MOSMO: variants seen among roughly 807,000 people sequenced by gnomAD.
MOSMO encodes the protein modulator of smoothened.
Under a neutral mutation model 18.4 loss-of-function variants are expected in MOSMO, and 5 were observed. The observed-to-expected ratio is 0.27, with a 90% confidence interval of 0.14 to 0.57. The LOEUF (loss-of-function observed/expected upper bound fraction) is 0.57. MOSMO is among the 20% of genes least tolerant of loss of function. MOSMO has a pLI of 0.92. For synonymous variants in MOSMO, 82 were observed against 82.3 expected (o/e 1.00, Z 0.02); for missense variants, 138 against 211.8 (o/e 0.65, Z 2.16).
At chr16:22,054,463 C>G (rs940700616) in intron 1 of MOSMO, among the ~76,000 whole-genome samples, 3 of 152,070 alleles carry the variant, frequency 2.0e-5, no homozygotes, top group African/African-American at 7.2e-5. Flanking sequence ...AAGTTAGATT[C>G]CATGGAATAT....
intron 1 of MOSMO, among the ~76,000 whole-genome samples, chr16:22,022,232 C>T (rs1418017428): frequency 6.6e-6 from 1 of 151,452 alleles, no homozygotes; most frequent in East Asian, 1.9e-4. Context: ...GTTGCCCAGG[C>T]TGGTTTCAAA....
At chr16:22,022,391 G>C (rs1375080831) in intron 1 of MOSMO, among the ~76,000 whole-genome samples, 1 of 152,070 alleles carries the variant, frequency 6.6e-6, no homozygotes, top group East Asian at 1.9e-4. Flanking sequence ...TCTTCTTCCA[G>C]CTCAGTGCAC....
intron 1 of MOSMO, among the ~76,000 whole-genome samples, chr16:22,030,887 A>G (rs2141994772): frequency 6.6e-6 from 1 of 152,272 alleles, no homozygotes; most frequent in African/African-American, 2.4e-5. Context: ...TATCAAAGTG[A>G]TTCTGATTTA....
intron 1 of MOSMO, among the ~76,000 whole-genome samples, chr16:22,024,868 C>T (rs1899844199): frequency 6.6e-6 from 1 of 152,088 alleles, no homozygotes; most frequent in Non-Finnish European, 1.5e-5. Context: ...CCTGTTCTGT[C>T]TGGACATGAC....
chr16:22,026,732 G>A (rs1039378019), intron 1 of MOSMO, among the ~76,000 whole-genome samples: 1 of 152,110 alleles, frequency 6.6e-6, no homozygotes, highest in African/African-American at 2.4e-5. Context: ...AATAAAACTA[G>A]GACATAATAA....
chr16:22,009,455 T>C (rs926061869), intron 1 of MOSMO, among the ~76,000 whole-genome samples: 1 of 152,040 alleles, frequency 6.6e-6, no homozygotes, highest in Non-Finnish European at 1.5e-5. Context: ...GGGCCACTTC[T>C]TTCCCTGTTA....
intron 1 of MOSMO, among the ~76,000 whole-genome samples, chr16:22,023,574 A>G (rs1303961545): frequency 6.6e-6 from 1 of 152,054 alleles, no homozygotes; most frequent in African/African-American, 2.4e-5. Context: ...GAATTAACTA[A>G]AAGATTGTAT....
intron 1 of MOSMO, among the ~76,000 whole-genome samples, chr16:22,071,312 C>T (rs1252782293): frequency 2.6e-5 from 4 of 152,206 alleles, no homozygotes; most frequent in Non-Finnish European, 5.9e-5. Flanking sequence ...GTTAACTTCG[C>T]TATTTTTGCT....
chr16:22,008,430 C>T (rs1243718286), intron 1 of MOSMO, 23 bp downstream of exon 1: 3 of 1,257,712 alleles, frequency 2.4e-6, no homozygotes, highest in Admixed American at 2.8e-5. Context: ...CGCGCCGGGC[C>T]GGGCGGGGGA....
downstream of MOSMO, among the ~76,000 whole-genome samples, chr16:22,091,517 G>A (rs1307067793): frequency 2.0e-5 from 3 of 152,150 alleles, no homozygotes; most frequent in African/African-American, 7.2e-5. Context: ...CCAAGTAGCT[G>A]GGACTACAAG....
chr16:22,016,754 T>C (rs925604539), intron 1 of MOSMO, among the ~76,000 whole-genome samples: 9 of 152,196 alleles, frequency 5.9e-5, no homozygotes, highest in Non-Finnish European at 1.0e-4. Flanking sequence ...TTGAGGGTTT[T>C]TATTAATGAA....
chr16:22,051,934 C>T (rs1400201261), intron 1 of MOSMO, among the ~76,000 whole-genome samples: 2 of 152,070 alleles, frequency 1.3e-5, no homozygotes, highest in Non-Finnish European at 2.9e-5. Flanking sequence ...CGCATTTGGT[C>T]ACAAAAGCCT....
At chr16:22,067,834 C>G (rs1459025628) in intron 1 of MOSMO, among the ~76,000 whole-genome samples, 5 of 151,680 alleles carry the variant, frequency 3.3e-5, no homozygotes, top group African/African-American at 1.2e-4. Context: ...GAGCCAAGAT[C>G]GTGCCACTGC....
At chr16:22,056,809 A>G (rs987433128) in intron 1 of MOSMO, among the ~76,000 whole-genome samples, 4 of 152,206 alleles carry the variant, frequency 2.6e-5, no homozygotes, top group Non-Finnish European at 4.4e-5. Flanking sequence ...CCCAAGACAC[A>G]TCTCAAATGA....
intron 1 of MOSMO, among the ~76,000 whole-genome samples, chr16:22,045,850 T>A (rs771949952): frequency 2.0e-5 from 3 of 152,078 alleles, no homozygotes; most frequent in Non-Finnish European, 4.4e-5. Context: ...AGTTAAGAGA[T>A]ATATATTTTT....
At chr16:22,045,184 CAAAA>C (rs1207459889) in intron 1 of MOSMO, among the ~76,000 whole-genome samples, 2 of 115,990 alleles carry the variant, frequency 1.7e-5, no homozygotes, top group African/African-American at 3.3e-5. Flanking sequence ...GACATTGTCT[CAAAA>C]AAAAAAAAAA....
chr16:22,023,750 C>G (rs1899811980), intron 1 of MOSMO, among the ~76,000 whole-genome samples: 1 of 151,936 alleles, frequency 6.6e-6, no homozygotes, highest in East Asian at 1.9e-4. Context: ...ACCAATAGCT[C>G]TCTGCTGTGC....
downstream of MOSMO, chr16:22,092,527 C>T (rs1300216354): frequency 1.4e-6 from 2 of 1,410,234 alleles, no homozygotes; most frequent in East Asian, 5.1e-5. Context: ...TCCCGCAGGG[C>T]AAGCTTCGCT....
chr16:22,025,723 C>T (rs1392111803), intron 1 of MOSMO, among the ~76,000 whole-genome samples: 1 of 152,146 alleles, frequency 6.6e-6, no homozygotes, highest in Non-Finnish European at 1.5e-5. Context: ...AGGTAACAAA[C>T]CCCCTACAAC....
Sources: allele counts gnomAD v4.1 joint callset (sites outside exome capture counted in the v4.1 genomes callset), GRCh38; gene constraint gnomAD v4.1.1; transcripts MANE v1.5; gene names NCBI Gene and HGNC (gene_info 2026-07-23, HGNC 2026-07-21).